Variants in DNAJC17 observed in about 807,000 individuals in gnomAD.
DNAJC17 encodes dnaJ homolog subfamily C member 17.
In DNAJC17, 35 loss-of-function variants were observed where a neutral mutation model predicts 48.1. That is an observed-to-expected ratio of 0.73 (90% CI 0.56 to 0.96). DNAJC17 has a LOEUF of 0.96. Ranked by LOEUF, DNAJC17 falls within the 50% of genes least tolerant of loss-of-function variation. The pLI is 0.00. For missense variants in DNAJC17, 355 were observed against 377.1 expected (o/e 0.94, Z 0.48); for synonymous variants, 117 against 142.7 (o/e 0.82, Z 1.28).
chr15:40,768,381 C>T (rs1389002031), intron 10 of DNAJC17, among the ~76,000 whole-genome samples: 3 of 152,182 alleles, frequency 2.0e-5, no homozygotes, highest in Non-Finnish European at 4.4e-5. Context: ...CCTTCATTTC[C>T]TCTGGGCCCT....
chr15:40,767,730 T>G lies in DNAJC17; in HGVS notation c.*210A>C, dbSNP rs2141942101. ...AGTGGCTGCGCCTGTGCTCTGCTTG[T>G]GCACGGACTCTGGGACTCTCACCCT... On this transcript the variant is annotated 3_prime_UTR_variant, in exon 11 of 11. Coordinates refer to ENST00000220496, the MANE Select transcript of DNAJC17 (RefSeq NM_018163.3). 1 of 692,806 alleles carries G rather than the reference T, an allele frequency of 1.4e-6. No homozygotes were observed. Among genetic ancestry groups the G allele is most frequent in the East Asian group, 2.9e-5 (1 of 34,424 alleles). The allele number at this position is 692,806 out of a possible 1,614,324, so 42.9% of individuals were successfully genotyped here. A position where few individuals can be genotyped will look rare whatever the true frequency, so the allele number is the denominator to read the frequency against.
intron 1 of DNAJC17, among the ~76,000 whole-genome samples, chr15:40,801,782 T>C (rs945184132): frequency 3.1e-4 from 46 of 149,154 alleles, no homozygotes; most frequent in African/African-American, 1.1e-3. Flanking sequence ...TTCTATTGAG[T>C]ATTTTATTAG....
At chr15:40,776,037 G>T (rs181844747) in intron 6 of DNAJC17, among the ~76,000 whole-genome samples, 159 bp downstream of exon 6, 1 of 152,168 alleles carries the variant, frequency 6.6e-6, no homozygotes, top group Non-Finnish European at 1.5e-5. Context: ...GGAGGAAGAC[G>T]GGATAAGTGG....
At position 40,768,042 on chromosome 15, in the gene DNAJC17, C is replaced by T; in HGVS notation, c.813G>A (p.Arg271=). 1 of 1,584,238 alleles carries T rather than the reference C, an allele frequency of 6.3e-7. No individual in the cohort carries two copies. The highest frequency in any genetic ancestry group is 2.2e-5 in the East Asian group (1 of 44,608). Residue 271 remains arginine (R), a synonymous_variant, in exon 11 of 11, where the codon AGG becomes AGA. Transcript: ENST00000220496. ...GCATCATGACGAGGCTCTCGTAGTC[C>T]CTCTCTGACAGCACTGAGCCCTGTC... ...GLSKGSVLSE[R]DYESLVMMRM...
intron 1 of DNAJC17, among the ~76,000 whole-genome samples, chr15:40,797,512 A>C (rs1189371107): frequency 2.0e-5 from 3 of 150,408 alleles, no homozygotes; most frequent in African/African-American, 2.5e-5. Flanking sequence ...CTCTGGGTTC[A>C]AGCGATTCTC....
Position 40,785,276 on chromosome 15 carries a change from C to T in DNAJC17, c.79-5279G>A, listed in dbSNP as rs1415777105. ...AGCTTGTATTACTTTTCAAGTGATACAAGAAAAAAACTGGTAAGAAACAAA... is the reference window on the plus strand; with the variant it reads ...AGCTTGTATTACTTTTCAAGTGATATAAGAAAAAAACTGGTAAGAAACAAA... On this transcript the variant is annotated intron_variant, in intron 1 of 10. Transcript: ENST00000220496. Among the ~76,000 whole-genome samples the T allele has an allele frequency of 2.0e-5, 3 of 151,992 alleles. No individual in the cohort carries two copies. In the East Asian group the frequency reaches 5.8e-4, roughly 29 times the overall value.
In DNAJC17 at chr15:40,800,158, C is replaced by T. The variant is rs560669996; in HGVS notation, c.78+7211G>A. Among the ~76,000 whole-genome samples, 16 of 152,252 alleles carry T rather than the reference C, an allele frequency of 1.1e-4. No homozygotes were observed. In the East Asian group the frequency reaches 3.1e-3, roughly 29 times the overall value. On this transcript the variant is annotated intron_variant, in intron 1 of 10. Transcript: ENST00000220496. Reference sequence around the variant, plus strand: ...CACGATTTCGGCTCACTGCAACCTCCGCCTCCTGGGTTCCAGCAATTCTCC... The same window carrying T: ...CACGATTTCGGCTCACTGCAACCTCTGCCTCCTGGGTTCCAGCAATTCTCC...
chr15:40,770,726 G>C lies in DNAJC17; in HGVS notation c.793-2664C>G. The C allele has an allele frequency of 6.5e-7, 1 of 1,545,856 alleles. No homozygotes were observed. Among genetic ancestry groups the C allele is most frequent in the Non-Finnish European group, 8.7e-7 (1 of 1,146,934 alleles). ...ACGAGCAGCCCCGGGCCACCCTGCTGGCCCCACCCAAGCCCCCACGCCTCT... is the reference window on the plus strand; with the variant it reads ...ACGAGCAGCCCCGGGCCACCCTGCTCGCCCCACCCAAGCCCCCACGCCTCT... On this transcript the variant is annotated intron_variant, in intron 10 of 10. Transcript: ENST00000220496. The surrounding 1 kb of genome is among the most constrained non-coding windows in gnomAD (Gnocchi z 5.0).
chr15:40,800,328 A>G (rs1453232389), intron 1 of DNAJC17, among the ~76,000 whole-genome samples: 1 of 152,138 alleles, frequency 6.6e-6, no homozygotes, highest in Non-Finnish European at 1.5e-5. Context: ...TCGGCCTCCC[A>G]AAGTGCTGGG....
intron 1 of DNAJC17, chr15:40,780,287 T>C (rs1256187584): frequency 1.7e-6 from 1 of 577,090 alleles, no homozygotes; most frequent in Non-Finnish European, 3.3e-6. Context: ...CCCCGCTTTC[T>C]CGACAGCCAC....
intron 7 of DNAJC17, 57 bp from the exon 8 acceptor site, chr15:40,775,165 G>A (rs978433255): frequency 2.9e-5 from 46 of 1,566,010 alleles, no homozygotes; most frequent in East Asian, 1.6e-4. Context: ...CTCACCCCAC[G>A]ACTGAGCTTG....
chr15:40,775,437 G>A (rs1374017009), intron 7 of DNAJC17, 116 bp downstream of exon 7: 2 of 1,194,344 alleles, frequency 1.7e-6, no homozygotes, highest in Non-Finnish European at 2.5e-6. Flanking sequence ...AATGGTGCGG[G>A]CTCCACGCAG....
At chr15:40,807,148 C>T in intron 1 of DNAJC17, 1 of 1,165,270 alleles carries the variant, frequency 8.6e-7, no homozygotes, top group Non-Finnish European at 1.2e-6. Context: ...AGAGCACAGC[C>T]ACCCGGCGCG....
At chr15:40,794,157 C>T (rs1308429619) in intron 1 of DNAJC17, among the ~76,000 whole-genome samples, 4 of 150,686 alleles carry the variant, frequency 2.7e-5, no homozygotes, top group Non-Finnish European at 4.4e-5. Context: ...TGAGACCAGC[C>T]TGACCAATAT....
chr15:40,795,211 T>C (rs1889915799), intron 1 of DNAJC17, among the ~76,000 whole-genome samples: 1 of 139,378 alleles, frequency 7.2e-6, no homozygotes, highest in Non-Finnish European at 1.5e-5. Flanking sequence ...ACCACGCCCC[T>C]GCACTCCAGC....
At position 40,775,048 on chromosome 15, in the gene DNAJC17, G is replaced by A; in HGVS notation, c.583C>T (p.Leu195=). 2.5e-6 allele frequency: 4 copies of A among 1,614,128 alleles called. No individual in the cohort carries two copies. Among genetic ancestry groups the A allele is most frequent in the Non-Finnish European group, 3.4e-6 (4 of 1,180,026 alleles). The change falls in exon 8 of 11, where the codon CTA becomes TTA. Residue 195 remains leucine (L), a synonymous_variant. Coordinates refer to ENST00000220496, the MANE Select transcript of DNAJC17 (RefSeq NM_018163.3). ...GGGCCGACCTTCTGCAAAAGCCGTAGGAGGACGTCTTTGGAGTAGCCACCT... is the reference window on the plus strand; with the variant it reads ...GGGCCGACCTTCTGCAAAAGCCGTAAGAGGACGTCTTTGGAGTAGCCACCT... The part of the protein sequence containing the change: ...SKGGYSKDVL[L]RLLQKYGEVL...
At chr15:40,779,906 C>T (rs1889434802) in intron 2 of DNAJC17, 22 bp downstream of exon 2, 1 of 1,611,920 alleles carries the variant, frequency 6.2e-7, no homozygotes, top group African/African-American at 1.3e-5. Context: ...TCTTTCTCCC[C>T]ACGCCCTGAG....
At chr15:40,805,842 TA>T (rs1420329963) in intron 1 of DNAJC17, among the ~76,000 whole-genome samples, 13 of 150,542 alleles carry the variant, frequency 8.6e-5, no homozygotes, top group African/African-American at 2.9e-4. Context: ...AAAACAATAA[TA>T]AAAAATAATA....
In DNAJC17 at chr15:40,792,066, T is replaced by A. The variant is rs551342163; in HGVS notation, c.79-12069A>T. Among the ~76,000 whole-genome samples, 3 of 152,330 alleles carry A rather than the reference T, an allele frequency of 2.0e-5. No individual in the cohort carries two copies. In the East Asian group the frequency reaches 5.8e-4, roughly 29 times the overall value. ...ACACACATTTCTCAGATTCATCTCC[T>A]GCGACCTCCTCAGCAAACCCTAGGC... is the stretch of plus-strand genomic sequence containing the variant. On this transcript the variant is annotated intron_variant, in intron 1 of 10. Transcript: ENST00000220496.
Sources: gnomAD v4.1 joint callset for allele counts (sites outside exome capture counted in the v4.1 genomes callset) on GRCh38, gnomAD v4.1.1 for gene constraint, Gnocchi (gnomAD v3.1) non-coding constraint, MANE v1.5 for transcripts, NCBI Gene and HGNC (gene_info 2026-07-23, HGNC 2026-07-21) for gene names.